DLG2: variants seen among roughly 807,000 people sequenced by gnomAD.
The protein encoded by DLG2 is disks large homolog 2.
Under a neutral mutation model 132.5 loss-of-function variants are expected in DLG2, and 45 were observed. The ratio of observed to expected loss-of-function variants is 0.34; its 90% CI spans 0.27 to 0.44. DLG2 has a LOEUF of 0.44. DLG2 is among the 20% of genes least tolerant of loss of function. The probability of loss-of-function intolerance (pLI) is 1.00; values close to 1 mark genes in which losing one functional copy is unlikely to be tolerated. For synonymous variants in DLG2, 424 were observed against 419.6 expected (o/e 1.01, Z -0.13); for missense variants, 1,045 against 1,196.9 (o/e 0.87, Z 1.87).
At chr11:84,970,704 T>C (rs534407583) in intron 6 of DLG2, among the ~76,000 whole-genome samples, 1 of 152,186 alleles carries the variant, frequency 6.6e-6, no homozygotes, top group Non-Finnish European at 1.5e-5. Flanking sequence ...CATAGCAGCT[T>C]CCTATGTGCC....
chr11:85,210,949 T>C (rs1391174936), intron 4 of DLG2, among the ~76,000 whole-genome samples: 1 of 152,122 alleles, frequency 6.6e-6, no homozygotes, highest in Non-Finnish European at 1.5e-5. Context: ...CACAGGTATC[T>C]CCCCCTTTAA....
chr11:85,625,560 G>A (rs1235396123), intron 2 of DLG2, among the ~76,000 whole-genome samples: 1 of 152,288 alleles, frequency 6.6e-6, no homozygotes, highest in Non-Finnish European at 1.5e-5. Flanking sequence ...GCATCTCAGT[G>A]ATTATAAGTT....
chr11:83,627,201 T>C (rs1400283362), intron 19 of DLG2, among the ~76,000 whole-genome samples: 1 of 151,800 alleles, frequency 6.6e-6, no homozygotes, highest in Admixed American at 6.6e-5. Flanking sequence ...TTTTTATTTA[T>C]TTATTTTATT....
At chr11:85,507,511 T>C (rs2093962546) in intron 3 of DLG2, among the ~76,000 whole-genome samples, 1 of 152,232 alleles carries the variant, frequency 6.6e-6, no homozygotes. Context: ...TTGAAAATTA[T>C]TTTCTTTAAG....
At chr11:84,130,988 G>T (rs2094399506) in intron 9 of DLG2, among the ~76,000 whole-genome samples, 1 of 151,840 alleles carries the variant, frequency 6.6e-6, no homozygotes, top group Non-Finnish European at 1.5e-5. Flanking sequence ...ATTTAAATCA[G>T]AAAAACCAAC....
intron 12 of DLG2, among the ~76,000 whole-genome samples, chr11:83,980,119 G>A (rs1238841920): frequency 1.3e-5 from 2 of 152,114 alleles, no homozygotes; most frequent in Non-Finnish European, 2.9e-5. Context: ...TGTATTTGAG[G>A]ATAGGCTCTA....
chr11:84,900,771 T>C (rs1175115498), intron 6 of DLG2, among the ~76,000 whole-genome samples: 1 of 152,014 alleles, frequency 6.6e-6, no homozygotes. Flanking sequence ...TGAAAATATA[T>C]TTCTTGGGAG....
intron 7 of DLG2, among the ~76,000 whole-genome samples, chr11:84,411,310 A>G (rs1482399933): frequency 6.6e-6 from 1 of 152,224 alleles, no homozygotes; most frequent in Admixed American, 6.5e-5. Flanking sequence ...GCTGATGTTT[A>G]TGAATACAAA....
intron 6 of DLG2, among the ~76,000 whole-genome samples, chr11:84,804,308 C>G (rs997977091): frequency 6.6e-6 from 1 of 152,150 alleles, no homozygotes; most frequent in East Asian, 1.9e-4. Flanking sequence ...AATAATGTCT[C>G]AGATTCCAGA....
At chr11:85,546,778 TTTA>T (rs1565667578) in intron 3 of DLG2, among the ~76,000 whole-genome samples, 1 of 146,252 alleles carries the variant, frequency 6.8e-6, no homozygotes, top group Non-Finnish European at 1.5e-5. Flanking sequence ...TCTTTGTTGG[TTTA>T]AAGTCTGTTT....
At chr11:85,596,820 A>G (rs913781138) in intron 3 of DLG2, among the ~76,000 whole-genome samples, 1 of 152,258 alleles carries the variant, frequency 6.6e-6, no homozygotes, top group Non-Finnish European at 1.5e-5. Context: ...GAAAATGCAC[A>G]GTAAGACCGC....
At position 83,664,519 on chromosome 11, in the gene DLG2, A is replaced by G. The variant is rs181421470; in HGVS notation, c.1826-31194T>C. Among the ~76,000 whole-genome samples the G allele has an allele frequency of 3.8e-3, 579 of 151,222 alleles. 6 individuals are homozygous for G. The highest frequency in any genetic ancestry group is 0.013 in the African/African-American group (541 of 41,138). ...AGTTGGGTGGCTTTTGTACACTGGG[A>G]GGTAGTAGTTAAAGCTGCAGGAATG... On this transcript the variant is annotated intron_variant, in intron 18 of 27. Coordinates refer to ENST00000376104, the MANE Select transcript of DLG2 (RefSeq NM_001142699.3).
At chr11:84,177,966 A>G (rs2096014854) in intron 8 of DLG2, among the ~76,000 whole-genome samples, 1 of 151,350 alleles carries the variant, frequency 6.6e-6, no homozygotes, top group South Asian at 2.1e-4. Flanking sequence ...GACTTTGAAA[A>G]CTGACTAAAG....
At chr11:84,723,764 A>G (rs1276992418) in intron 6 of DLG2, among the ~76,000 whole-genome samples, 2 of 152,146 alleles carry the variant, frequency 1.3e-5, no homozygotes, top group Admixed American at 1.3e-4. Flanking sequence ...TTTATAGTCA[A>G]AATAACTACT....
chr11:83,525,652 G>A (rs2095588865), intron 21 of DLG2, among the ~76,000 whole-genome samples: 1 of 152,106 alleles, frequency 6.6e-6, no homozygotes, highest in South Asian at 2.1e-4. Flanking sequence ...CCTTCCTGAT[G>A]CCCCCTGGAG....
At chr11:84,394,248 C>T (rs1376385525) in intron 7 of DLG2, among the ~76,000 whole-genome samples, 1 of 151,842 alleles carries the variant, frequency 6.6e-6, no homozygotes. Flanking sequence ...AATTCAGATA[C>T]ATGGCACTCT....
intron 10 of DLG2, among the ~76,000 whole-genome samples, chr11:84,069,108 C>T (rs1594587490): frequency 6.6e-6 from 1 of 152,184 alleles, no homozygotes; most frequent in Non-Finnish European, 1.5e-5. Context: ...GAGCTTCCCC[C>T]TCCAGAGGTG....
chr11:85,375,714 T>C (rs191782189), intron 3 of DLG2, among the ~76,000 whole-genome samples: 1 of 152,226 alleles, frequency 6.6e-6, no homozygotes, highest in African/African-American at 2.4e-5. Context: ...TTAATTCAAT[T>C]TGAACAGTAA....
chr11:85,360,918 A>ATTTACTATTACC (rs2084094506), intron 3 of DLG2, among the ~76,000 whole-genome samples: 1 of 152,238 alleles, frequency 6.6e-6, no homozygotes, highest in African/African-American at 2.4e-5. Context: ...CTACAGTGGT[A>ATTTACTATTACC]ATAATAGTAG....
Sources: allele counts gnomAD v4.1 joint callset (sites outside exome capture counted in the v4.1 genomes callset), GRCh38; gene constraint gnomAD v4.1.1; transcripts MANE v1.5; gene names NCBI Gene and HGNC (gene_info 2026-07-23, HGNC 2026-07-21).